DPP10: variants seen among roughly 807,000 people sequenced by gnomAD.
DPP10 encodes the protein dipeptidyl peptidase like 10, also known as inactive dipeptidyl peptidase 10.
A neutral mutation model predicts 120.9 loss-of-function variants in DPP10; 33 were observed. The ratio of observed to expected loss-of-function variants is 0.27; its 90% CI spans 0.21 to 0.37. The LOEUF (loss-of-function observed/expected upper bound fraction) is 0.37. Ranked by LOEUF, DPP10 falls within the 10% of genes least tolerant of loss-of-function variation. The pLI, the probability that DPP10 is intolerant of heterozygous loss-of-function variation, is 1.00. For synonymous variants in DPP10, 337 were observed against 326.1 expected, an observed-to-expected ratio of 1.03 and a Z score of -0.36; for missense variants, 816 against 942.8, an observed-to-expected ratio of 0.87 and a Z score of 1.76.
rs543609356 is a variant in DPP10, at chr2:115,207,811, A to C, written c.61-101428A>C. Among the ~76,000 whole-genome samples the C allele has an allele frequency of 3.3e-5, 5 of 152,264 alleles. No individual in the cohort carries two copies. The South Asian group carries it at 8.3e-4, about 25-fold the overall frequency. On this transcript the variant is annotated intron_variant, in intron 1 of 25. Coordinates refer to ENST00000410059, the MANE Select transcript of DPP10 (RefSeq NM_020868.6). ...TCTTTTTTTTTTCAGGGTTATGCGA[A>C]GATCAGATTTGTGTTCTTGGTGAAA...
chr2:114,476,132 T>G (rs1039025305), intron 1 of DPP10, among the ~76,000 whole-genome samples: 2 of 152,218 alleles, frequency 1.3e-5, no homozygotes, highest in African/African-American at 4.8e-5. Context: ...CATTCCTACT[T>G]ATTGCTTTAA....
intron 3 of DPP10, among the ~76,000 whole-genome samples, chr2:115,404,268 C>T (rs536397256): frequency 6.2e-4 from 94 of 152,184 alleles, no homozygotes; most frequent in Middle Eastern, 6.8e-3. Context: ...GGAGGTACCA[C>T]ATACTTTTAA....
intron 3 of DPP10, among the ~76,000 whole-genome samples, chr2:115,403,946 C>T (rs531076106): frequency 5.3e-5 from 8 of 151,938 alleles, no homozygotes; most frequent in Non-Finnish European, 8.8e-5. Flanking sequence ...TTCTATATTG[C>T]AATAATGGTC....
intron 7 of DPP10, among the ~76,000 whole-genome samples, chr2:115,715,047 A>AG (rs2092445770): frequency 6.6e-6 from 1 of 150,406 alleles, no homozygotes; most frequent in Non-Finnish European, 1.5e-5. Flanking sequence ...AAAAAAAAAA[A>AG]AATTATGAAA....
chr2:114,831,799 A>C (rs908598574), intron 1 of DPP10, among the ~76,000 whole-genome samples: 11 of 150,700 alleles, frequency 7.3e-5, no homozygotes, highest in African/African-American at 2.7e-4. Flanking sequence ...ACTAAAAAAG[A>C]CTGGTTATGT....
intron 1 of DPP10, among the ~76,000 whole-genome samples, chr2:115,087,327 A>T (rs1428784892): frequency 2.0e-5 from 3 of 152,126 alleles, no homozygotes; most frequent in Non-Finnish European, 4.4e-5. Context: ...AAGTCCTTTA[A>T]TATTTTCTTC....
At chr2:115,119,834 A>C (rs2049729116) in intron 1 of DPP10, among the ~76,000 whole-genome samples, 1 of 152,198 alleles carries the variant, frequency 6.6e-6, no homozygotes, top group Admixed American at 6.5e-5. Flanking sequence ...TGCTTAGAAG[A>C]CATGTACCTG....
intron 1 of DPP10, among the ~76,000 whole-genome samples, chr2:115,202,984 C>G (rs984102149): frequency 6.6e-6 from 1 of 152,096 alleles, no homozygotes; most frequent in Non-Finnish European, 1.5e-5. Context: ...AACAAAAAAT[C>G]TTTTGGAGTT....
At chr2:114,544,996 C>T (rs907481534) in intron 1 of DPP10, among the ~76,000 whole-genome samples, 35 of 151,800 alleles carry the variant, frequency 2.3e-4, no homozygotes, top group South Asian at 6.2e-4. Context: ...GGATTACAGG[C>T]GCCCGCCACC....
At chr2:115,049,766 C>T (rs1375179404) in intron 1 of DPP10, among the ~76,000 whole-genome samples, 2 of 152,172 alleles carry the variant, frequency 1.3e-5, no homozygotes, top group African/African-American at 4.8e-5. Context: ...CTAGTTTTAA[C>T]CGACAATTTA....
chr2:114,513,868 G>A (rs936767226), intron 1 of DPP10, among the ~76,000 whole-genome samples: 1 of 152,186 alleles, frequency 6.6e-6, no homozygotes, highest in Admixed American at 6.5e-5. Context: ...AAAAGATCTT[G>A]AGAATATCTG....
chr2:115,004,686 G>A (rs1167968555), intron 1 of DPP10, among the ~76,000 whole-genome samples: 2 of 152,200 alleles, frequency 1.3e-5, no homozygotes, highest in South Asian at 2.1e-4. Flanking sequence ...CGCACCATGA[G>A]ATTATATCCC....
chr2:114,567,647 T>C lies in DPP10; in HGVS notation c.60+124809T>C, dbSNP rs1298276199. Among the ~76,000 whole-genome samples the C allele has an allele frequency of 7.2e-5, 11 of 152,176 alleles. No homozygotes were observed. In the East Asian group the frequency reaches 2.1e-3, roughly 29 times the overall value. ...TTGTAGTAGCATATTGGCATATTGG[T>C]TTCTACATTAGTAGTAATTTGTTAC... On this transcript the variant is annotated intron_variant, in intron 1 of 25. Transcript: ENST00000410059.
rs573645243 is a variant in DPP10 at position 114,712,872 on chromosome 2, G to C, written c.60+270034G>C. Among the ~76,000 whole-genome samples, 4 of 151,888 alleles carry C rather than the reference G, an allele frequency of 2.6e-5. No individual in the cohort carries two copies. The East Asian group carries it at 5.8e-4, about 22-fold the overall frequency. The stretch of plus-strand genomic sequence containing the variant: ...CAAATTTAACATGCCATTTAGAGTT[G>C]TATAATATTATTTCAAAGTCTACAT... On this transcript the variant is annotated intron_variant, in intron 1 of 25. Coordinates refer to ENST00000410059, the MANE Select transcript of DPP10 (RefSeq NM_020868.6).
intron 1 of DPP10, among the ~76,000 whole-genome samples, chr2:115,256,541 T>C (rs1420468405): frequency 2.0e-5 from 3 of 152,210 alleles, no homozygotes; most frequent in Non-Finnish European, 4.4e-5. Context: ...AGTGTATGGC[T>C]CTGATACTCT....
intron 11 of DPP10, among the ~76,000 whole-genome samples, chr2:115,758,661 T>C (rs1679729803): frequency 6.6e-6 from 1 of 152,010 alleles, no homozygotes; most frequent in Non-Finnish European, 1.5e-5. Context: ...TGTAAAAGAA[T>C]AAAATTGAAG....
At chr2:115,567,193 C>T (rs2081056612) in intron 5 of DPP10, among the ~76,000 whole-genome samples, 1 of 151,564 alleles carries the variant, frequency 6.6e-6, no homozygotes, top group African/African-American at 2.4e-5. Context: ...TTGTAGATTC[C>T]AGGGATTTGT....
chr2:114,536,243 A>G (rs1573594564), intron 1 of DPP10, among the ~76,000 whole-genome samples: 1 of 151,794 alleles, frequency 6.6e-6, no homozygotes, highest in South Asian at 2.1e-4. Context: ...AGAATATTGA[A>G]TCTGAGGGCT....
At chr2:115,716,970 T>C (rs2092515676) in intron 7 of DPP10, among the ~76,000 whole-genome samples, 1 of 152,384 alleles carries the variant, frequency 6.6e-6, no homozygotes, top group African/African-American at 2.4e-5. Flanking sequence ...GAATCTGTTA[T>C]AAGAATTTTG....
Sources: gnomAD v4.1 joint callset for allele counts (sites outside exome capture counted in the v4.1 genomes callset) on GRCh38, gnomAD v4.1.1 for gene constraint, MANE v1.5 for transcripts, NCBI Gene and HGNC (gene_info 2026-07-23, HGNC 2026-07-21) for gene names.